Variants in PDCD1LG2 observed in about 807,000 individuals in gnomAD.
The protein encoded by PDCD1LG2 is programmed cell death 1 ligand 2, also known as B7 dendritic cell molecule.
PDCD1LG2 carries 32 observed loss-of-function variants against 28.2 expected under a neutral mutation model. The ratio of observed to expected loss-of-function variants is 1.13; its 90% CI spans 0.86 to 1.52. The LOEUF is 1.52. PDCD1LG2 is among the 40% of genes most tolerant of loss of function. The probability of loss-of-function intolerance (pLI) is 0.00; values close to 1 mark genes in which losing one functional copy is unlikely to be tolerated. For synonymous variants in PDCD1LG2, 116 were observed against 120.2 expected, an observed-to-expected ratio of 0.97 and a Z score of 0.23; for missense variants, 385 against 323.8, an observed-to-expected ratio of 1.19 and a Z score of -1.45.
intron 6 of PDCD1LG2, among the ~76,000 whole-genome samples, chr9:5,567,453 T>G (rs1202871860): frequency 1.3e-5 from 2 of 152,218 alleles, no homozygotes; most frequent in African/African-American, 4.8e-5. Flanking sequence ...CTCCCTCTTA[T>G]GCAGACAAGC....
Position 5,529,650 on chromosome 9 carries a change from A to G in PDCD1LG2, c.56-5095A>G, listed in dbSNP as rs140674765. Among the ~76,000 whole-genome samples the G allele has an allele frequency of 3.7e-3, 556 of 151,932 alleles. 4 individuals carry two copies. The highest frequency in any genetic ancestry group is 0.03 in the South Asian group (143 of 4,814). ...GAAAGAGCCACCCCAGTCTTTTTTCATTGATGTTTTTCTTCTCTCTTCGTA... is the reference window on the plus strand; with the variant it reads ...GAAAGAGCCACCCCAGTCTTTTTTCGTTGATGTTTTTCTTCTCTCTTCGTA... On this transcript the variant is annotated intron_variant, in intron 2 of 6. Transcript: ENST00000397747.
chr9:5,543,266 G>A (rs1286195140), intron 3 of PDCD1LG2, among the ~76,000 whole-genome samples: 1 of 152,140 alleles, frequency 6.6e-6, no homozygotes, highest in Admixed American at 6.5e-5. Flanking sequence ...TGGGCCAGGC[G>A]TGGTTGCTCA....
intron 1 of PDCD1LG2, among the ~76,000 whole-genome samples, chr9:5,518,365 T>C (rs1033648759): frequency 6.6e-6 from 1 of 152,212 alleles, no homozygotes; most frequent in African/African-American, 2.4e-5. Flanking sequence ...AAAGTCCCCG[T>C]GGAAGGGCAA....
At chr9:5,557,864 C>T (rs1816478288) in intron 5 of PDCD1LG2, 112 bp downstream of exon 5, 6 of 1,297,906 alleles carry the variant, frequency 4.6e-6, no homozygotes, top group Non-Finnish European at 6.5e-6. Flanking sequence ...CCACTCAGAG[C>T]TTATGAACCA....
intron 1 of PDCD1LG2, among the ~76,000 whole-genome samples, chr9:5,515,816 A>G (rs545726768): frequency 5.9e-4 from 85 of 145,200 alleles, no homozygotes; most frequent in African/African-American, 2.1e-3. Flanking sequence ...CCAGTTACTC[A>G]GGAGGCTGAG....
intron 2 of PDCD1LG2, among the ~76,000 whole-genome samples, chr9:5,527,037 C>A (rs1441031831): frequency 6.6e-6 from 1 of 151,840 alleles, no homozygotes; most frequent in African/African-American, 2.4e-5. Flanking sequence ...ATCATTAACT[C>A]TTTCCTTACT....
At chr9:5,515,305 A>G (rs1820136032) in intron 1 of PDCD1LG2, among the ~76,000 whole-genome samples, 1 of 152,212 alleles carries the variant, frequency 6.6e-6, no homozygotes, top group Non-Finnish European at 1.5e-5. Context: ...AAGAGGTGGC[A>G]TGGTTGTTTG....
chr9:5,519,119 T>C (rs917130473), intron 1 of PDCD1LG2, among the ~76,000 whole-genome samples: 1 of 152,010 alleles, frequency 6.6e-6, no homozygotes, highest in Non-Finnish European at 1.5e-5. Flanking sequence ...TTATTGTGGT[T>C]TCAACAGGAA....
intron 1 of PDCD1LG2, among the ~76,000 whole-genome samples, chr9:5,521,387 G>C (rs1446508389): frequency 6.6e-6 from 1 of 152,144 alleles, no homozygotes; most frequent in Non-Finnish European, 1.5e-5. Flanking sequence ...TACACACTTA[G>C]ACACATATAA....
chr9:5,554,630 A>G (rs768517815), intron 4 of PDCD1LG2, among the ~76,000 whole-genome samples: 47 of 152,168 alleles, frequency 3.1e-4, no homozygotes, highest in Non-Finnish European at 4.6e-4. Context: ...GCAACAGATC[A>G]TTTTCCTTTT....
intron 5 of PDCD1LG2, among the ~76,000 whole-genome samples, chr9:5,559,549 G>C (rs1170216602): frequency 6.6e-6 from 1 of 152,178 alleles, no homozygotes; most frequent in Non-Finnish European, 1.5e-5. Flanking sequence ...TCTTCTTTGA[G>C]ATGGTCTTTC....
At chr9:5,541,952 C>T (rs1820695611) in intron 3 of PDCD1LG2, among the ~76,000 whole-genome samples, 1 of 152,100 alleles carries the variant, frequency 6.6e-6, no homozygotes, top group Non-Finnish European at 1.5e-5. Context: ...ACCATAGTCA[C>T]CAAAACAGCA....
intron 3 of PDCD1LG2, among the ~76,000 whole-genome samples, chr9:5,540,698 C>G (rs1005033848): frequency 1.1e-4 from 17 of 151,996 alleles, no homozygotes; most frequent in African/African-American, 4.1e-4. Context: ...CAATAACAAG[C>G]AGCAAGATTG....
chr9:5,534,304 A>T (rs1165529541), intron 2 of PDCD1LG2, among the ~76,000 whole-genome samples: 1 of 152,192 alleles, frequency 6.6e-6, no homozygotes, highest in East Asian at 1.9e-4. Flanking sequence ...GGAGAATAGG[A>T]TGTGAAGGTA....
In PDCD1LG2 at chr9:5,570,102, C is replaced by G. The variant is rs1270103469; in HGVS notation, c.*143C>G. On this transcript the variant is annotated 3_prime_UTR_variant, in exon 7 of 7. Transcript: ENST00000397747. ...ATGACCCAGCACTTTAATCTGAAAC[C>G]TGCAACAAGACTAGCCAACACCTGG... The G allele has an allele frequency of 9.6e-7, 1 of 1,039,818 alleles. No individual in the cohort carries two copies. The highest frequency in any genetic ancestry group is 1.6e-5 in the African/African-American group (1 of 62,618). The allele number at this position is 1,039,818 out of a possible 1,614,324, so 64.4% of individuals were successfully genotyped here.
chr9:5,564,381 T>G (rs1017865737), intron 6 of PDCD1LG2, among the ~76,000 whole-genome samples: 1 of 152,200 alleles, frequency 6.6e-6, no homozygotes, highest in Non-Finnish European at 1.5e-5. Flanking sequence ...GCAATGAATA[T>G]CTGAGTAAAT....
chr9:5,519,877 T>C (rs1464310156), intron 1 of PDCD1LG2, among the ~76,000 whole-genome samples: 1 of 152,208 alleles, frequency 6.6e-6, no homozygotes, highest in Non-Finnish European at 1.5e-5. Context: ...CCTCTTTTTC[T>C]CAAACTATAT....
chr9:5,563,312 A>C lies in PDCD1LG2; in HGVS notation c.816+101A>C, dbSNP rs1816603041. On this transcript the variant is annotated intron_variant, in intron 6 of 6. Coordinates refer to ENST00000397747, the MANE Select transcript of PDCD1LG2 (RefSeq NM_025239.4). ...TCTATTAATTCATGGAAGGCAACTG[A>C]ATAGTTCCAGCTTATAGAATCTTCC... The C allele has an allele frequency of 5.9e-5, 59 of 1,003,426 alleles. 1 individual carries two copies. In the South Asian group the frequency reaches 8.5e-4, roughly 14 times the overall value. 62.2% of individuals were successfully genotyped at this position (1,003,426 alleles called of 1,614,324 possible).
chr9:5,553,705 A>G (rs1816382064), intron 4 of PDCD1LG2, among the ~76,000 whole-genome samples: 1 of 152,164 alleles, frequency 6.6e-6, no homozygotes, highest in African/African-American at 2.4e-5. Flanking sequence ...ATAGTCAACA[A>G]CCATGGGAGA....
Sources: gnomAD v4.1 joint callset for allele counts (sites outside exome capture counted in the v4.1 genomes callset) on GRCh38, gnomAD v4.1.1 for gene constraint, MANE v1.5 for transcripts, NCBI Gene and HGNC (gene_info 2026-07-23, HGNC 2026-07-21) for gene names.